KIAA0825: variants seen among roughly 807,000 people sequenced by gnomAD.
KIAA0825 encodes the protein uncharacterized protein KIAA0825.
In KIAA0825, 119 loss-of-function variants were observed where a neutral mutation model predicts 147.6. That is an observed-to-expected ratio of 0.81 (90% confidence interval 0.69 to 0.94). KIAA0825 has a LOEUF of 0.94. Ranked by LOEUF, KIAA0825 falls within the 40% of genes least tolerant of loss-of-function variation. The probability of loss-of-function intolerance (pLI) is 0.00; values close to 1 mark genes in which losing one functional copy is unlikely to be tolerated. For synonymous variants in KIAA0825, 470 were observed against 518.1 expected (o/e 0.91, Z 1.26); for missense variants, 1,381 against 1,472.7 (o/e 0.94, Z 1.02).
intron 20 of KIAA0825, among the ~76,000 whole-genome samples, chr5:94,280,029 T>C (rs1777387714): frequency 1.3e-5 from 2 of 152,062 alleles, no homozygotes. Context: ...AGAAGCTCAG[T>C]CGGCACAGCC....
intron 2 of KIAA0825, chr5:94,570,248 C>T (rs1337816129): frequency 6.5e-6 from 1 of 152,678 alleles, no homozygotes; most frequent in Non-Finnish European, 1.5e-5. Flanking sequence ...CCTTTTCCTC[C>T]TCACCCTATT....
rs1766644038 is a variant in KIAA0825 at position 94,152,854 on chromosome 5, AATTATATATATATATAT to A, written c.*1136_*1152del. On this transcript the variant is annotated 3_prime_UTR_variant, in exon 21 of 21. Coordinates refer to ENST00000682413, the MANE Select transcript of KIAA0825 (RefSeq NM_001145678.3). ...AAAAAAAAAAAAAAAAAAAAAAAAA[AATTATATATATATATAT>A]ATATATATATATATATATATATATA... The A allele has an allele frequency of 9.9e-5, 1 of 10,112 alleles. No individual in the cohort carries two copies. The highest frequency in any genetic ancestry group is 3.4e-4 in the African/African-American group (1 of 2,958). 0.6% of individuals were successfully genotyped at this position (10,112 alleles called of 1,614,324 possible).
intron 2 of KIAA0825, among the ~76,000 whole-genome samples, chr5:94,542,074 G>A (rs934423101): frequency 6.6e-6 from 1 of 152,138 alleles, no homozygotes; most frequent in Non-Finnish European, 1.5e-5. Flanking sequence ...GACAATTGTT[G>A]TCTTGTTTTG....
chr5:94,235,854 G>C (rs1407613583), intron 20 of KIAA0825, among the ~76,000 whole-genome samples: 1 of 152,156 alleles, frequency 6.6e-6, no homozygotes, highest in Admixed American at 6.5e-5. Context: ...GAATAATAAA[G>C]CTTGAATCAT....
intron 20 of KIAA0825, among the ~76,000 whole-genome samples, chr5:94,363,654 G>A (rs917035730): frequency 6.6e-6 from 1 of 152,132 alleles, no homozygotes; most frequent in Non-Finnish European, 1.5e-5. Context: ...GGGAGGCTGA[G>A]GCAGGAGGAT....
At chr5:94,487,965 A>AAACAT (rs1763255521) in intron 5 of KIAA0825, among the ~76,000 whole-genome samples, 1 of 152,096 alleles carries the variant, frequency 6.6e-6, no homozygotes, top group African/African-American at 2.4e-5. Flanking sequence ...AAACAAAACA[A>AAACAT]AACAAAACAA....
At chr5:94,614,049 T>TAA (rs1338477454) in intron 1 of KIAA0825, among the ~76,000 whole-genome samples, 2 of 152,234 alleles carry the variant, frequency 1.3e-5, no homozygotes, top group Non-Finnish European at 2.9e-5. Flanking sequence ...ATTGTACTAT[T>TAA]ACTTAACAGA....
At chr5:94,229,733 T>C (rs1351769824) in intron 20 of KIAA0825, among the ~76,000 whole-genome samples, 1 of 151,370 alleles carries the variant, frequency 6.6e-6, no homozygotes, top group Non-Finnish European at 1.5e-5. Flanking sequence ...CTTGTTTTCT[T>C]ATAGGTCATT....
At chr5:94,346,023 C>T (rs1265061990) in intron 20 of KIAA0825, among the ~76,000 whole-genome samples, 3 of 152,186 alleles carry the variant, frequency 2.0e-5, no homozygotes, top group Admixed American at 2.0e-4. Context: ...GATAACATAA[C>T]TGATTAGTCA....
intron 3 of KIAA0825, 76 bp downstream of exon 3, chr5:94,536,920 G>C (rs992845647): frequency 3.1e-5 from 31 of 1,011,238 alleles, no homozygotes; most frequent in Middle Eastern, 6.6e-4. Flanking sequence ...CTAAGAGCAG[G>C]ATACAAATAG....
At chr5:94,338,914 A>T (rs1027756607) in intron 20 of KIAA0825, among the ~76,000 whole-genome samples, 1 of 152,194 alleles carries the variant, frequency 6.6e-6, no homozygotes, top group African/African-American at 2.4e-5. Flanking sequence ...ACAATAATAA[A>T]GACTATAATG....
intron 15 of KIAA0825, chr5:94,415,043 G>GATCTGGT: frequency 6.6e-6 from 1 of 152,322 alleles, no homozygotes; most frequent in Admixed American, 6.5e-5. Context: ...GGAGAGAGGA[G>GATCTGGT]ATCTGGTTTC....
At chr5:94,543,074 G>C (rs1786697417) in intron 2 of KIAA0825, among the ~76,000 whole-genome samples, 1 of 152,174 alleles carries the variant, frequency 6.6e-6, no homozygotes, top group Non-Finnish European at 1.5e-5. Flanking sequence ...AAGTTATCTT[G>C]GGACCTTAAA....
chr5:94,613,250 G>A (rs10073305), intron 1 of KIAA0825, among the ~76,000 whole-genome samples: 266 of 152,084 alleles, frequency 1.7e-3, no homozygotes, highest in Admixed American at 4.3e-3. Context: ...GTTGGAGTGC[G>A]GTGACATGAT....
chr5:94,289,529 C>T, intron 20 of KIAA0825, among the ~76,000 whole-genome samples: 1 of 129,126 alleles, frequency 7.7e-6, no homozygotes, highest in African/African-American at 2.9e-5. Flanking sequence ...AGCAAGACTC[C>T]ATCTGGAAAA....
chr5:94,597,699 T>C (rs1317899706), intron 1 of KIAA0825, among the ~76,000 whole-genome samples: 1 of 152,132 alleles, frequency 6.6e-6, no homozygotes, highest in Non-Finnish European at 1.5e-5. Context: ...TTTCATTGTA[T>C]GAACATCATA....
intron 3 of KIAA0825, among the ~76,000 whole-genome samples, chr5:94,532,696 A>ATTTT (rs772203748): frequency 1.5e-5 from 2 of 135,158 alleles, no homozygotes; most frequent in Non-Finnish European, 3.2e-5. Flanking sequence ...GCCTGGGCTA[A>ATTTT]TTTTTTTTTT....
Position 94,464,831 on chromosome 5 carries a change from T to C in KIAA0825, c.2063+38A>G, listed in dbSNP as rs901363855. 1.1e-5 allele frequency: 16 copies of C among 1,522,228 alleles called. No homozygotes were observed. In the African/African-American group the frequency reaches 2.1e-4, roughly 20 times the overall value. The allele number at this position is 1,522,228 out of a possible 1,614,324, so 94.3% of individuals were successfully genotyped here. A position where few individuals can be genotyped will look rare whatever the true frequency, so the allele number is the denominator to read the frequency against. ...CTGCTTTATACCAACTAATGAAAAG[T>C]TTTCTTGAAAAGCAATGTTTTTCAG... On this transcript the variant is annotated intron_variant, in intron 11 of 20. Coordinates refer to ENST00000682413, the MANE Select transcript of KIAA0825 (RefSeq NM_001145678.3).
intron 20 of KIAA0825, among the ~76,000 whole-genome samples, chr5:94,331,164 GAGAA>G (rs1483946526): frequency 1.1e-4 from 16 of 149,334 alleles, no homozygotes; most frequent in Admixed American, 2.7e-4. Context: ...GAGAGAGAGA[GAGAA>G]AGAAAGAAGA....
Sources: allele counts gnomAD v4.1 joint callset (sites outside exome capture counted in the v4.1 genomes callset), GRCh38; gene constraint gnomAD v4.1.1; transcripts MANE v1.5; gene names NCBI Gene and HGNC (gene_info 2026-07-23, HGNC 2026-07-21).